The following C19orf47 variants were observed in gnomAD, a reference collection of about 807,000 sequenced individuals.
C19orf47 encodes chromosome 19 open reading frame 47, also known as uncharacterized protein C19orf47.
In C19orf47, 18 loss-of-function variants were observed where a neutral mutation model predicts 32.3. The ratio of observed to expected loss-of-function variants is 0.56; its 90% CI spans 0.39 to 0.83. The LOEUF (loss-of-function observed/expected upper bound fraction) is 0.83. Ranked by LOEUF, C19orf47 falls within the 40% of genes least tolerant of loss-of-function variation. C19orf47 has a pLI of 0.00. For missense variants in C19orf47, 484 were observed against 531.6 expected, an observed-to-expected ratio of 0.91 and a Z score of 0.88; for synonymous variants, 202 against 211.1, an observed-to-expected ratio of 0.96 and a Z score of 0.37.
In C19orf47 at chr19:40,321,161, T is replaced by G. The variant is rs1350167348; in HGVS notation, c.*721A>C. The G allele has an allele frequency of 1.1e-6, 1 of 907,546 alleles. No homozygotes were observed. Among genetic ancestry groups the G allele is most frequent in the Non-Finnish European group, 1.3e-6 (1 of 757,790 alleles). The allele number at this position is 907,546 out of a possible 1,614,324, so 56.2% of individuals were successfully genotyped here. A position where few individuals can be genotyped will look rare whatever the true frequency, so the allele number is the denominator to read the frequency against. ...CTTGCCCACCACCCGCCATACACTT[T>G]CAGAGACAGATGCCCAGGGCAGGAA... On this transcript the variant is annotated 3_prime_UTR_variant, in exon 9 of 9. Coordinates refer to ENST00000683109, the MANE Select transcript of C19orf47 (RefSeq NM_001256441.2).
At chr19:40,330,353 C>A (rs546870763) in intron 5 of C19orf47, among the ~76,000 whole-genome samples, 2 of 151,772 alleles carry the variant, frequency 1.3e-5, no homozygotes, top group African/African-American at 4.8e-5. Flanking sequence ...CTCAGCCTCC[C>A]GAGTAGCTGG....
At chr19:40,308,211 A>G in the C19orf47 span, among the ~76,000 whole-genome samples, 1 of 151,940 alleles carries the variant, frequency 6.6e-6, no homozygotes, top group African/African-American at 2.4e-5. Context: ...GCTGGAGTGC[A>G]GTGACACAAT....
At chr19:40,329,196 C>T (rs1360032971) in intron 5 of C19orf47, among the ~76,000 whole-genome samples, 1 of 152,022 alleles carries the variant, frequency 6.6e-6, no homozygotes, top group Non-Finnish European at 1.5e-5. Context: ...CTGTTTACTG[C>T]TGTATCCCAG....
At chr19:40,346,967 T>C (rs1186981092) in intron 1 of C19orf47, among the ~76,000 whole-genome samples, 1 of 152,018 alleles carries the variant, frequency 6.6e-6, no homozygotes, top group Non-Finnish European at 1.5e-5. Flanking sequence ...AGGGAAACAG[T>C]GGGACAGTCA....
At chr19:40,317,728 G>GTA (rs1555783712), downstream of C19orf47, among the ~76,000 whole-genome samples, 1 of 143,052 alleles carries the variant, frequency 7.0e-6, no homozygotes, top group Non-Finnish European at 1.5e-5. Flanking sequence ...TTTTTTTTTT[G>GTA]TTTTTTTTTT....
chr19:40,329,754 G>C (rs2077910263), intron 5 of C19orf47, among the ~76,000 whole-genome samples: 5 of 152,228 alleles, frequency 3.3e-5, no homozygotes, highest in Admixed American at 2.6e-4. Context: ...GGTTGGATGG[G>C]TGGCTTTATG....
Position 40,336,191 on chromosome 19 carries a change from C to T in C19orf47, c.141G>A (p.Lys47=), listed in dbSNP as rs780619235. The change falls in exon 4 of 9, where the codon AAG becomes AAA. Residue 47 remains lysine, a synonymous_variant. Transcript: ENST00000683109. Reference sequence around the variant, plus strand: ...TCACGCCCAGCTCATTCATTATCTCCTTATTGAGATCCAGCAGCATGCTCT... The same window carrying T: ...TCACGCCCAGCTCATTCATTATCTCTTTATTGAGATCCAGCAGCATGCTCT... ...IQKSMLLDLN[K]EIMNELGVTV... The T allele has an allele frequency of 6.2e-6, 10 of 1,614,222 alleles. No individual in the cohort carries two copies. The highest frequency in any genetic ancestry group is 4.4e-5 in the South Asian group (4 of 91,088).
rs116845080 is a variant in C19orf47 at position 40,334,080 on chromosome 19, A to C, written c.223-151T>G. Reference sequence around the variant, plus strand: ...CCATAAGAAAGCATCAGATACCTCCAAACTGAGGGACACTCTATAAAATAT... The same window carrying C: ...CCATAAGAAAGCATCAGATACCTCCCAACTGAGGGACACTCTATAAAATAT... On this transcript the variant is annotated intron_variant, in intron 4 of 8. Coordinates refer to ENST00000683109, the MANE Select transcript of C19orf47 (RefSeq NM_001256441.2). 5.6e-6 allele frequency: 3 copies of C among 534,910 alleles called. No homozygotes were observed. In the African/African-American group the frequency reaches 5.9e-5, roughly 10 times the overall value. 33.1% of individuals were successfully genotyped at this position (534,910 alleles called of 1,614,324 possible). A position where few individuals can be genotyped will look rare whatever the true frequency, so the allele number is the denominator to read the frequency against.
chr19:40,308,692 C>T, the C19orf47 span, among the ~76,000 whole-genome samples: 1 of 151,506 alleles, frequency 6.6e-6, no homozygotes, highest in African/African-American at 2.4e-5. Flanking sequence ...TCAAACTCCT[C>T]ACCTCAAGTG....
In C19orf47 at chr19:40,322,097, T is replaced by C; in HGVS notation, c.943A>G (p.Ile315Val). 1.2e-6 allele frequency: 2 copies of C among 1,614,188 alleles called. No individual in the cohort carries two copies. Among genetic ancestry groups the C allele is most frequent in the South Asian group, 1.1e-5 (1 of 91,086 alleles). The change falls in exon 9 of 9, where the codon ATC becomes GTC. Residue 315 changes from isoleucine (I) to valine (V), a missense_variant. Ile to Val is a conservative substitution (Grantham distance 29). Coordinates refer to ENST00000683109, the MANE Select transcript of C19orf47 (RefSeq NM_001256441.2). ...GCAGCTGCGCCCAGTCTCTTGATGA[T>C]GCTGACTTTAGACAAGGACTCCGGC... is the stretch of plus-strand genomic sequence containing the variant. ...RKPESLSKVS[I>V]IKRLGAAALV...
chr19:40,303,592 A>T, the C19orf47 span, among the ~76,000 whole-genome samples: 1 of 148,754 alleles, frequency 6.7e-6, no homozygotes, highest in Non-Finnish European at 1.5e-5. Flanking sequence ...GGTGGATCAC[A>T]AGGTCATCGA....
At chr19:40,327,568 A>G (rs1416581944) in intron 6 of C19orf47, among the ~76,000 whole-genome samples, 4 of 152,128 alleles carry the variant, frequency 2.6e-5, no homozygotes, top group Admixed American at 6.6e-5. Flanking sequence ...GGGGCGTGAT[A>G]GGAGTGGGTG....
the C19orf47 span, among the ~76,000 whole-genome samples, chr19:40,311,551 TAATAATAAATAAA>T: frequency 4.0e-5 from 6 of 151,670 alleles, no homozygotes; most frequent in Admixed American, 4.0e-4. Context: ...CAAAAAATAA[TAATAATAAATAAA>T]AATAAAAAAT....
At chr19:40,342,106 T>A (rs1003455736) in intron 1 of C19orf47, 13 of 958,498 alleles carry the variant, frequency 1.4e-5, no homozygotes, top group Non-Finnish European at 1.5e-5. Context: ...GGACAGCAAA[T>A]GTCCACAGCT....
chr19:40,343,310 T>C (rs1189965427), intron 1 of C19orf47, among the ~76,000 whole-genome samples: 1 of 152,140 alleles, frequency 6.6e-6, no homozygotes, highest in Non-Finnish European at 1.5e-5. Flanking sequence ...CCCTAACAGA[T>C]TTTGATGGTA....
intron 4 of C19orf47, among the ~76,000 whole-genome samples, chr19:40,334,508 G>C (rs905235498): frequency 6.6e-6 from 1 of 152,112 alleles, no homozygotes; most frequent in Non-Finnish European, 1.5e-5. Flanking sequence ...AGCCCTTTGA[G>C]AGGCCGGGGC....
chr19:40,302,460 A>T, the C19orf47 span, among the ~76,000 whole-genome samples: 1 of 151,730 alleles, frequency 6.6e-6, no homozygotes, highest in Admixed American at 6.6e-5. Flanking sequence ...ACCACGTCTG[A>T]TTTTTTTGTA....
chr19:40,342,495 G>T (rs2078197022), intron 1 of C19orf47: 1 of 152,946 alleles, frequency 6.5e-6, no homozygotes, highest in Non-Finnish European at 1.5e-5. Context: ...AACCTACTAT[G>T]TGTAAGGCAC....
rs148670216 is a variant in C19orf47 at position 40,329,276 on chromosome 19, G to A, written c.302-726C>T. 8.5e-4 allele frequency among the ~76,000 whole-genome samples: 129 copies of A among 152,196 alleles called. 3 individuals carry two copies. In the East Asian group the frequency reaches 0.016, roughly 18 times the overall value. On this transcript the variant is annotated intron_variant, in intron 5 of 8. Transcript: ENST00000683109. ...TAATCCCTGCACTTTGGGAGGCCTA[G>A]GGGGATGGATCACTTGAACCCAGTT...
Sources: gnomAD v4.1 joint callset for allele counts (sites outside exome capture counted in the v4.1 genomes callset) on GRCh38, gnomAD v4.1.1 for gene constraint, MANE v1.5 for transcripts, NCBI Gene and HGNC (gene_info 2026-07-23, HGNC 2026-07-21) for gene names.